DCBLD1: variants seen among roughly 807,000 people sequenced by gnomAD.
The protein encoded by DCBLD1 is discoidin, CUB and LCCL domain-containing protein 1.
Under a neutral mutation model 71.5 loss-of-function variants are expected in DCBLD1, and 57 were observed. The observed-to-expected ratio is 0.80, with a 90% CI of 0.64 to 0.99. DCBLD1 has a LOEUF of 0.99. Ranked by LOEUF, DCBLD1 falls within the 50% of genes least tolerant of loss-of-function variation. The probability of loss-of-function intolerance (pLI) is 0.00; values close to 1 mark genes in which losing one functional copy is unlikely to be tolerated. For missense variants in DCBLD1, 891 were observed against 923.5 expected, an observed-to-expected ratio of 0.96 and a Z score of 0.46; for synonymous variants, 380 against 363.8, an observed-to-expected ratio of 1.04 and a Z score of -0.51.
chr6:117,531,297 C>T (rs1778711805), intron 5 of DCBLD1, among the ~76,000 whole-genome samples: 1 of 152,222 alleles, frequency 6.6e-6, no homozygotes, highest in Non-Finnish European at 1.5e-5. Context: ...AGAAGTGGAG[C>T]ATAGCTAAGG....
intron 4 of DCBLD1, among the ~76,000 whole-genome samples, chr6:117,522,292 C>T (rs1255970617): frequency 1.3e-5 from 2 of 152,100 alleles, no homozygotes; most frequent in East Asian, 1.9e-4. Flanking sequence ...TAGCAGCATC[C>T]CTGGCCTCTA....
chr6:117,556,621 T>C (rs537006222), intron 14 of DCBLD1, among the ~76,000 whole-genome samples: 2 of 152,376 alleles, frequency 1.3e-5, no homozygotes, highest in South Asian at 2.1e-4. Context: ...CAGTCATCCA[T>C]TGATGGACAC....
chr6:117,505,675 A>C (rs1014065171), intron 2 of DCBLD1, among the ~76,000 whole-genome samples: 1 of 152,212 alleles, frequency 6.6e-6, no homozygotes, highest in East Asian at 1.9e-4. Flanking sequence ...ATATACACAA[A>C]GGCAGAAAAG....
intron 1 of DCBLD1, 148 bp downstream of exon 1, chr6:117,483,041 C>A: frequency 1.1e-6 from 1 of 909,744 alleles, no homozygotes; most frequent in Non-Finnish European, 1.3e-6. Flanking sequence ...TCGCCGCCTG[C>A]CATCCGCGGA....
chr6:117,537,957 G>T (rs1778956225), intron 7 of DCBLD1, among the ~76,000 whole-genome samples: 1 of 151,874 alleles, frequency 6.6e-6, no homozygotes, highest in African/African-American at 2.4e-5. Flanking sequence ...TATTGCAATT[G>T]GTTTGTTATT....
In DCBLD1 at chr6:117,560,529, A is replaced by G. The variant is rs1583044711; in HGVS notation, c.1616-9091A>G. The G allele has an allele frequency of 2.6e-5, 5 of 194,650 alleles. No homozygotes were observed. The East Asian group carries it at 4.0e-4, about 16-fold the overall frequency. 12.1% of individuals were successfully genotyped at this position (194,650 alleles called of 1,614,324 possible). The stretch of plus-strand genomic sequence containing the variant: ...TGAAACCTTTTTGTTTCTAAACATG[A>G]AAACAGCATAAGTCCACTGCAGTGG... On this transcript the variant is annotated intron_variant, in intron 14 of 14. Transcript: ENST00000296955.
chr6:117,517,405 C>A (rs1176362661), intron 2 of DCBLD1, among the ~76,000 whole-genome samples: 1 of 152,238 alleles, frequency 6.6e-6, no homozygotes, highest in Non-Finnish European at 1.5e-5. Context: ...CTCCCCACTG[C>A]TTCCACAGGC....
intron 4 of DCBLD1, among the ~76,000 whole-genome samples, chr6:117,524,857 T>C (rs1347078646): frequency 1.3e-5 from 2 of 152,210 alleles, no homozygotes; most frequent in Non-Finnish European, 2.9e-5. Flanking sequence ...GTGGCTCCCA[T>C]TATATTTCTA....
chr6:117,512,688 A>G (rs933843288), intron 2 of DCBLD1, among the ~76,000 whole-genome samples: 7 of 152,130 alleles, frequency 4.6e-5, no homozygotes, highest in African/African-American at 1.2e-4. Context: ...AGGGAGGGTC[A>G]CTTAGGTCAA....
exon 15 of DCBLD1, chr6:117,569,852 C>A: frequency 8.8e-7 from 1 of 1,134,018 alleles, no homozygotes; most frequent in Non-Finnish European, 1.2e-6. Context: ...TATGCTGTCT[C>A]TATAAATGCT....
chr6:117,523,148 A>C (rs918803549), intron 4 of DCBLD1, among the ~76,000 whole-genome samples: 1 of 152,222 alleles, frequency 6.6e-6, no homozygotes, highest in African/African-American at 2.4e-5. Flanking sequence ...TCTGGACATC[A>C]AATGGTCATT....
At chr6:117,551,837 T>G (rs1039939576), downstream of DCBLD1, among the ~76,000 whole-genome samples, 7 of 152,198 alleles carry the variant, frequency 4.6e-5, no homozygotes, top group Non-Finnish European at 1.0e-4. Flanking sequence ...AGCATATTTA[T>G]TAAAATATCA....
chr6:117,506,288 T>C (rs1465106405), intron 2 of DCBLD1, among the ~76,000 whole-genome samples: 1 of 152,114 alleles, frequency 6.6e-6, no homozygotes, highest in African/African-American at 2.4e-5. Context: ...AAGAGAGATT[T>C]ATATCTGTGT....
chr6:117,503,825 T>G lies in DCBLD1; in HGVS notation c.171T>G (p.Asn57Lys). ...ATAGTGGCACAATGACATCTAAGAA[T>G]TATCCCGGGACCTACCCCAATCACA... ...YQDSGTMTSK[N>K]YPGTYPNHTV... is the part of the protein sequence containing the mutation. Residue 57 changes from asparagine to lysine, a missense_variant, in exon 2 of 15, where the codon AAT (asparagine) becomes AAG (lysine). Asn to Lys is a moderately conservative substitution (Grantham distance 94). Coordinates refer to ENST00000338728, the MANE Select transcript of DCBLD1 (RefSeq NM_001366458.2). 6.2e-7 allele frequency: 1 copy of G among 1,614,060 alleles called. No homozygotes were observed. Among genetic ancestry groups the G allele is most frequent in the Non-Finnish European group, 8.5e-7 (1 of 1,179,990 alleles).
intron 1 of DCBLD1, among the ~76,000 whole-genome samples, chr6:117,499,506 C>T (rs1777582375): frequency 6.6e-6 from 1 of 152,076 alleles, no homozygotes; most frequent in African/African-American, 2.4e-5. Context: ...TCCTCACTTC[C>T]ATCCCCAGCC....
intron 1 of DCBLD1, among the ~76,000 whole-genome samples, chr6:117,497,782 T>C (rs962319550): frequency 6.6e-6 from 1 of 152,248 alleles, no homozygotes; most frequent in African/African-American, 2.4e-5. Context: ...AGGCTAATGT[T>C]GAAAGTAGCC....
chr6:117,541,878 A>G (rs1221474719), intron 11 of DCBLD1, among the ~76,000 whole-genome samples: 1 of 152,138 alleles, frequency 6.6e-6, no homozygotes, highest in Admixed American at 6.5e-5. Flanking sequence ...GAAGGTTGAA[A>G]ACCCCAATTA....
intron 1 of DCBLD1, among the ~76,000 whole-genome samples, chr6:117,489,720 C>G (rs1381540903): frequency 2.6e-5 from 4 of 152,134 alleles, no homozygotes; most frequent in Admixed American, 2.0e-4. Flanking sequence ...CCCGTCTCTA[C>G]TAAAAATACA....
intron 14 of DCBLD1, among the ~76,000 whole-genome samples, chr6:117,565,822 TGTTA>T (rs892718397): frequency 1.3e-5 from 2 of 152,158 alleles, no homozygotes; most frequent in African/African-American, 4.8e-5. Context: ...ATCCATACTT[TGTTA>T]GTCATTCATT....
Sources: gnomAD v4.1 joint callset for allele counts (sites outside exome capture counted in the v4.1 genomes callset) on GRCh38, gnomAD v4.1.1 for gene constraint, MANE v1.5 for transcripts, NCBI Gene and HGNC (gene_info 2026-07-23, HGNC 2026-07-21) for gene names.